Variants in PDE10A observed in about 807,000 individuals in gnomAD.
The protein encoded by PDE10A is phosphodiesterase 10A, also known as cAMP and cAMP-inhibited cGMP 3',5'-cyclic phosphodiesterase 10A.
In PDE10A, 39 loss-of-function variants were observed where a neutral mutation model predicts 97.7. The ratio of observed to expected loss-of-function variants is 0.40; its 90% CI spans 0.31 to 0.52. PDE10A has a LOEUF of 0.52. Among genes scored for constraint, PDE10A ranks in the 20% least tolerant of loss-of-function variants. The pLI is 0.56. For missense variants in PDE10A, 731 were observed against 1,047.8 expected (o/e 0.70, Z 4.17); for synonymous variants, 371 against 376.8 (o/e 0.98, Z 0.18).
At chr6:165,859,005 C>T (rs752963529) in intron 1 of PDE10A, among the ~76,000 whole-genome samples, 1 of 152,228 alleles carries the variant, frequency 6.6e-6, no homozygotes, top group Non-Finnish European at 1.5e-5. Flanking sequence ...TAGTTCTGTT[C>T]TGTAAACTCA....
intron 1 of PDE10A, among the ~76,000 whole-genome samples, chr6:165,769,197 A>C (rs577773007): frequency 1.1e-4 from 16 of 152,326 alleles, no homozygotes; most frequent in African/African-American, 3.8e-4. Flanking sequence ...AGCCACACAG[A>C]GCCATTGAGT....
intron 2 of PDE10A, among the ~76,000 whole-genome samples, chr6:165,510,231 T>C (rs1292909795): frequency 6.6e-6 from 1 of 152,034 alleles, no homozygotes; most frequent in African/African-American, 2.4e-5. Flanking sequence ...ATGGTTTTTA[T>C]TATTTTGAAA....
intron 1 of PDE10A, among the ~76,000 whole-genome samples, chr6:165,735,013 ATAGG>A (rs1562710390): frequency 2.3e-5 from 3 of 131,334 alleles, no homozygotes; most frequent in South Asian, 4.2e-4. Flanking sequence ...AGGTAGGTAG[ATAGG>A]TAGGTAGTTA....
chr6:165,410,785 A>G (rs1787691375), intron 13 of PDE10A, among the ~76,000 whole-genome samples: 1 of 151,816 alleles, frequency 6.6e-6, no homozygotes, highest in African/African-American at 2.4e-5. Context: ...CACCAGACAA[A>G]TCCAAATTAA....
At chr6:165,792,996 G>C (rs990506567) in intron 1 of PDE10A, among the ~76,000 whole-genome samples, 4 of 152,090 alleles carry the variant, frequency 2.6e-5, no homozygotes, top group African/African-American at 9.7e-5. Flanking sequence ...GTTCCCTTCA[G>C]TCCCCTTAAG....
At chr6:165,756,836 T>C (rs1173765333) in intron 1 of PDE10A, among the ~76,000 whole-genome samples, 2 of 113,984 alleles carry the variant, frequency 1.8e-5, no homozygotes, top group Admixed American at 1.6e-4. Flanking sequence ...TTTCCAGTCT[T>C]ATGTGAAAAA....
chr6:165,497,631 A>G (rs1780615881), intron 2 of PDE10A, among the ~76,000 whole-genome samples: 3 of 152,214 alleles, frequency 2.0e-5, no homozygotes, highest in African/African-American at 4.8e-5. Flanking sequence ...CATAGAACTT[A>G]GTCATCTCTG....
At chr6:165,356,750 T>A (rs1005052051) in intron 18 of PDE10A, among the ~76,000 whole-genome samples, 4 of 152,232 alleles carry the variant, frequency 2.6e-5, no homozygotes, top group African/African-American at 4.8e-5. Flanking sequence ...ATTGATTTTT[T>A]AAAAAATGTT....
chr6:165,968,827 G>C (rs1583369681), intron 1 of PDE10A, among the ~76,000 whole-genome samples: 1 of 152,244 alleles, frequency 6.6e-6, no homozygotes, highest in East Asian at 1.9e-4. Context: ...CAAAGACAGA[G>C]AAGGCAGAAG....
In PDE10A at chr6:165,388,212, A is replaced by G. The variant is rs1785438548; in HGVS notation, c.2610+86T>C. The G allele has an allele frequency of 8.3e-7, 1 of 1,205,934 alleles. No homozygotes were observed. The highest frequency in any genetic ancestry group is 1.2e-6 in the Non-Finnish European group (1 of 835,496). The allele number at this position is 1,205,934 out of a possible 1,614,324, so 74.7% of individuals were successfully genotyped here. On this transcript the variant is annotated intron_variant, in intron 17 of 21. Transcript: ENST00000539869. This position sits in a 1 kb window ranked among gnomAD's most constrained non-coding sequence, Gnocchi z 4.0. ...TAGCTGTTGCTTTTAAGGAAGCCATAATGATCTTCCTTTTCCACCTATGAA... is the reference window on the plus strand; with the variant it reads ...TAGCTGTTGCTTTTAAGGAAGCCATGATGATCTTCCTTTTCCACCTATGAA...
At chr6:165,352,014 C>A (rs1782724717) in intron 18 of PDE10A, among the ~76,000 whole-genome samples, 1 of 152,036 alleles carries the variant, frequency 6.6e-6, no homozygotes, top group Non-Finnish European at 1.5e-5. Flanking sequence ...CCACCACTCC[C>A]AGTTAATTTT....
intron 3 of PDE10A, among the ~76,000 whole-genome samples, chr6:165,454,221 TGAA>T (rs1777804986): frequency 6.6e-6 from 1 of 152,180 alleles, no homozygotes; most frequent in Non-Finnish European, 1.5e-5. Flanking sequence ...GGCTCAAAGC[TGAA>T]GAAGGTTTGT....
intron 1 of PDE10A, chr6:165,910,821 GCAGCT>G (rs1239563247): frequency 2.6e-5 from 4 of 152,162 alleles, no homozygotes; most frequent in Non-Finnish European, 5.9e-5. Flanking sequence ...GGTTTGAATC[GCAGCT>G]CAGCTTCATC....
intron 1 of PDE10A, among the ~76,000 whole-genome samples, chr6:165,684,080 TCCCAGA>T (rs1791050412): frequency 6.6e-6 from 1 of 152,154 alleles, no homozygotes; most frequent in Non-Finnish European, 1.5e-5. Flanking sequence ...AGTGAGGCCT[TCCCAGA>T]CCACACTATT....
chr6:165,914,323 C>T (rs1204596348), intron 1 of PDE10A, among the ~76,000 whole-genome samples: 1 of 152,216 alleles, frequency 6.6e-6, no homozygotes, highest in Non-Finnish European at 1.5e-5. Context: ...AGTTGCCCTC[C>T]AAGACTTACA....
At chr6:165,986,076 T>A (rs1319543725) in intron 1 of PDE10A, 1 of 153,062 alleles carries the variant, frequency 6.5e-6, no homozygotes, top group Admixed American at 6.5e-5. Context: ...GTGCTCCTGT[T>A]CCTTTTTCTC....
rs547517814 is a variant in PDE10A at position 165,848,240 on chromosome 6, G to A, written c.-615+139289C>T. On this transcript the variant is annotated intron_variant, in intron 1 of 19. Coordinates refer to the PDE10A transcript ENST00000366882. Reference sequence around the variant, plus strand: ...CCCTATGTGGCGGGAATTGTTCTGCGCACTGGGACCAGGATGGCGAGCAAC... The same window carrying A: ...CCCTATGTGGCGGGAATTGTTCTGCACACTGGGACCAGGATGGCGAGCAAC... Among the ~76,000 whole-genome samples, 4 of 152,226 alleles carry A rather than the reference G, an allele frequency of 2.6e-5. No homozygotes were observed. In the East Asian group the frequency reaches 5.8e-4, roughly 22 times the overall value.
intron 1 of PDE10A, among the ~76,000 whole-genome samples, chr6:165,672,862 T>C (rs1239902749): frequency 1.3e-5 from 2 of 152,338 alleles, no homozygotes; most frequent in Middle Eastern, 3.4e-3. Flanking sequence ...TGAATACCTA[T>C]CATTTTCACA....
At chr6:165,706,570 A>G (rs1791715128) in intron 1 of PDE10A, among the ~76,000 whole-genome samples, 1 of 152,162 alleles carries the variant, frequency 6.6e-6, no homozygotes, top group Admixed American at 6.5e-5. Flanking sequence ...TCTTATTGAC[A>G]CCCCAGGGCT....
Sources: gnomAD v4.1 joint callset for allele counts (sites outside exome capture counted in the v4.1 genomes callset) on GRCh38, gnomAD v4.1.1 for gene constraint, Gnocchi (gnomAD v3.1) non-coding constraint, MANE v1.5 for transcripts, NCBI Gene and HGNC (gene_info 2026-07-23, HGNC 2026-07-21) for gene names.